SH3RF3: variants seen among roughly 807,000 people sequenced by gnomAD.
SH3RF3 encodes SH3 domain containing ring finger 3.
Under a neutral mutation model 66.3 loss-of-function variants are expected in SH3RF3, and 29 were observed. That is an observed-to-expected ratio of 0.44 (90% CI 0.33 to 0.60). The LOEUF is 0.60. Ranked by LOEUF, SH3RF3 falls within the 20% of genes least tolerant of loss-of-function variation. The probability of loss-of-function intolerance (pLI) is 0.04; values close to 1 mark genes in which losing one functional copy is unlikely to be tolerated. For synonymous variants in SH3RF3, 583 were observed against 532.0 expected, an observed-to-expected ratio of 1.10 and a Z score of -1.32; for missense variants, 1,194 against 1,190.9, an observed-to-expected ratio of 1.00 and a Z score of -0.04.
At chr2:109,318,555 G>A (rs907840022) in intron 1 of SH3RF3, among the ~76,000 whole-genome samples, 2 of 152,194 alleles carry the variant, frequency 1.3e-5, no homozygotes, top group Non-Finnish European at 2.9e-5. Context: ...TTGTCCTTGC[G>A]GGTGTGTTGG....
chr2:109,317,112 T>C (rs1348169002), intron 1 of SH3RF3, among the ~76,000 whole-genome samples: 1 of 152,182 alleles, frequency 6.6e-6, no homozygotes, highest in Non-Finnish European at 1.5e-5. Context: ...CTCTAAACTT[T>C]CATGAGTGGG....
At chr2:109,252,666 A>G (rs146813137) in intron 1 of SH3RF3, among the ~76,000 whole-genome samples, 31 of 152,364 alleles carry the variant, frequency 2.0e-4, no homozygotes, top group African/African-American at 7.5e-4. Flanking sequence ...CCAAACCTAC[A>G]GAACCTCATA....
intron 1 of SH3RF3, among the ~76,000 whole-genome samples, chr2:109,134,164 C>CT (rs1055945691): frequency 1.3e-5 from 2 of 152,126 alleles, no homozygotes; most frequent in African/African-American, 4.8e-5. Flanking sequence ...TGCCAAGTGG[C>CT]TGGTATAATT....
At position 109,501,812 on chromosome 2, in the gene SH3RF3, G is replaced by T. The variant is rs1173927124; in HGVS notation, c.*141G>T. The T allele has an allele frequency of 1.1e-5, 7 of 609,228 alleles. No homozygotes were observed. Among genetic ancestry groups the T allele is most frequent in the Non-Finnish European group, 2.0e-5 (7 of 341,518 alleles). 37.7% of individuals were successfully genotyped at this position (609,228 alleles called of 1,614,324 possible). On this transcript the variant is annotated 3_prime_UTR_variant, in exon 10 of 10. Transcript: ENST00000309415. ...GGCGGGGGATACCCTGGCCCAGGGT[G>T]GGGGCCAGGGACTGTGGAGGTCGTG...
intron 1 of SH3RF3, among the ~76,000 whole-genome samples, chr2:109,225,417 G>T (rs1313011379): frequency 6.6e-6 from 1 of 152,174 alleles, no homozygotes; most frequent in African/African-American, 2.4e-5. Flanking sequence ...ACGTTAACAG[G>T]TTTCACAACG....
At chr2:109,155,181 T>C (rs1677312528) in intron 1 of SH3RF3, among the ~76,000 whole-genome samples, 1 of 152,208 alleles carries the variant, frequency 6.6e-6, no homozygotes, top group African/African-American at 2.4e-5. Context: ...AAACTACAAC[T>C]TGCTATGCTG....
chr2:109,129,690 G>T lies in SH3RF3; in HGVS notation c.150G>T (p.Ser50=). 1 of 1,526,276 alleles carries T rather than the reference G, an allele frequency of 6.6e-7. No homozygotes were observed. The allele number at this position is 1,526,276 out of a possible 1,614,324, so 94.5% of individuals were successfully genotyped here. A position where few individuals can be genotyped will look rare whatever the true frequency, so the allele number is the denominator to read the frequency against. Residue 50 remains serine (S), a synonymous_variant, in exon 1 of 10, where the codon TCG becomes TCT. Transcript: ENST00000309415. ...AGAGEDMDES[S]LLDLLECSVC... ...CGGGCGAGGACATGGACGAGTCGTCGCTGCTGGACCTGCTGGAGTGCTCCG... is the reference window on the plus strand; with the variant it reads ...CGGGCGAGGACATGGACGAGTCGTCTCTGCTGGACCTGCTGGAGTGCTCCG...
chr2:109,420,681 G>A (rs879800822), intron 5 of SH3RF3, among the ~76,000 whole-genome samples: 4 of 152,154 alleles, frequency 2.6e-5, no homozygotes, highest in African/African-American at 4.8e-5. Context: ...TCCTGATCTC[G>A]TGATCCGCCC....
At chr2:109,186,005 C>G (rs140565700) in intron 1 of SH3RF3, among the ~76,000 whole-genome samples, 11 of 152,368 alleles carry the variant, frequency 7.2e-5, no homozygotes, top group African/African-American at 2.6e-4. Context: ...ATACCATTCT[C>G]TGGGCCGTTT....
chr2:109,313,307 G>A (rs370818255), intron 1 of SH3RF3, among the ~76,000 whole-genome samples: 8 of 152,216 alleles, frequency 5.3e-5, no homozygotes, highest in South Asian at 2.1e-4. Flanking sequence ...CATCCCAAGG[G>A]GGGAGGCTGG....
At chr2:109,342,076 A>G (rs1168956230) in intron 1 of SH3RF3, among the ~76,000 whole-genome samples, 1 of 152,200 alleles carries the variant, frequency 6.6e-6, no homozygotes, top group Non-Finnish European at 1.5e-5. Context: ...TCTGCTGGCC[A>G]CATGCTGTGC....
chr2:109,405,567 C>T (rs1559066212), intron 4 of SH3RF3, among the ~76,000 whole-genome samples: 1 of 152,228 alleles, frequency 6.6e-6, no homozygotes, highest in Admixed American at 6.5e-5. Flanking sequence ...CCCACCTGCC[C>T]ATGTCCCTTT....
At chr2:109,395,433 G>C (rs1232482827) in intron 3 of SH3RF3, among the ~76,000 whole-genome samples, 1 of 152,346 alleles carries the variant, frequency 6.6e-6, no homozygotes, top group South Asian at 2.1e-4. Context: ...CGGTTCGCCT[G>C]CCTGGCTGCT....
intron 7 of SH3RF3, among the ~76,000 whole-genome samples, chr2:109,447,174 GA>G (rs1177496293): frequency 3.7e-5 from 5 of 133,620 alleles, no homozygotes; most frequent in South Asian, 4.8e-4. Context: ...AAAAAGAAAA[GA>G]AAAAGAAAAA....
At chr2:109,388,373 C>T (rs1413268829) in intron 3 of SH3RF3, among the ~76,000 whole-genome samples, 2 of 152,154 alleles carry the variant, frequency 1.3e-5, no homozygotes, top group East Asian at 3.9e-4. Context: ...TGAAAAAGCT[C>T]CACCTGCCAC....
At chr2:109,399,013 T>C in intron 4 of SH3RF3, 70 bp downstream of exon 4, 2 of 1,454,146 alleles carry the variant, frequency 1.4e-6, no homozygotes, top group Non-Finnish European at 1.8e-6. Flanking sequence ...CCGTGTTCAG[T>C]GTCCCCCGTT....
intron 9 of SH3RF3, among the ~76,000 whole-genome samples, chr2:109,493,404 A>C (rs1050484412): frequency 6.6e-6 from 1 of 151,530 alleles, no homozygotes; most frequent in African/African-American, 2.4e-5. Flanking sequence ...CACCACACAC[A>C]CCACACATAC....
chr2:109,320,379 GT>G (rs1300918576), intron 1 of SH3RF3, among the ~76,000 whole-genome samples: 2 of 152,152 alleles, frequency 1.3e-5, no homozygotes, highest in Non-Finnish European at 2.9e-5. Context: ...CAGGTACAAC[GT>G]TTGATCTCAC....
chr2:109,203,568 T>A (rs965826598), intron 1 of SH3RF3, among the ~76,000 whole-genome samples: 1 of 152,154 alleles, frequency 6.6e-6, no homozygotes, highest in African/African-American at 2.4e-5. Context: ...CTGCTCCATG[T>A]GGTTCGTCCA....
Sources: gnomAD v4.1 joint callset for allele counts (sites outside exome capture counted in the v4.1 genomes callset) on GRCh38, gnomAD v4.1.1 for gene constraint, MANE v1.5 for transcripts, NCBI Gene and HGNC (gene_info 2026-07-23, HGNC 2026-07-21) for gene names.